Variants in UEVLD observed in about 807,000 individuals in gnomAD.
The protein encoded by UEVLD is ubiquitin-conjugating enzyme E2 variant 3.
In UEVLD, 47 loss-of-function variants were observed where a neutral mutation model predicts 58.6. The ratio of observed to expected loss-of-function variants is 0.80; its 90% CI spans 0.63 to 1.02. The LOEUF is 1.02. Among genes scored for constraint, UEVLD ranks in the 50% least tolerant of loss-of-function variants. The probability of loss-of-function intolerance (pLI) is 0.00; values close to 1 mark genes in which losing one functional copy is unlikely to be tolerated. For synonymous variants in UEVLD, 197 were observed against 195.3 expected (o/e 1.01, Z -0.07); for missense variants, 510 against 550.6 (o/e 0.93, Z 0.74).
At position 18,531,466 on chromosome 11, in the gene UEVLD, G is replaced by A. The variant is rs1055572893; in HGVS notation, c.*854C>T. The A allele has an allele frequency of 2.6e-5, 4 of 152,110 alleles. No homozygotes were observed. The highest frequency in any genetic ancestry group is 9.7e-5 in the African/African-American group (4 of 41,418). The allele number at this position is 152,110 out of a possible 1,614,324, so 9.4% of individuals were successfully genotyped here. On this transcript the variant is annotated 3_prime_UTR_variant, in exon 12 of 12. Coordinates refer to ENST00000396197, the MANE Select transcript of UEVLD (RefSeq NM_001040697.4). ...ACTGTATCATCAGGAGAGGTTAAAGGATTTGCTCAGAACAAATAAAAAACC... is the reference window on the plus strand; with the variant it reads ...ACTGTATCATCAGGAGAGGTTAAAGAATTTGCTCAGAACAAATAAAAAACC...
At chr11:18,563,093 T>C (rs1852122833) in intron 6 of UEVLD, among the ~76,000 whole-genome samples, 1 of 142,324 alleles carries the variant, frequency 7.0e-6, no homozygotes, top group Admixed American at 7.0e-5. Flanking sequence ...AGATGCCTTC[T>C]TGTGCTTACC....
intron 1 of UEVLD, among the ~76,000 whole-genome samples, chr11:18,585,819 G>A (rs1337681981): frequency 1.3e-5 from 2 of 152,024 alleles, no homozygotes; most frequent in Non-Finnish European, 1.5e-5. Flanking sequence ...TTTTTTAGGA[G>A]AGACGAGGTT....
Position 18,575,419 on chromosome 11 carries a change from G to GA in UEVLD, c.128-8dup, listed in dbSNP as rs35906676. On this transcript the variant is annotated splice_polypyrimidine_tract_variant and splice_region_variant and intron_variant, in intron 2 of 11. Transcript: ENST00000396197. ...TGAGAACTATCTTTAAAAACTAGAAGAAAAAAAAAAAAGCCCCAAAATGTG... is the reference window on the plus strand; with the variant it reads ...TGAGAACTATCTTTAAAAACTAGAAGAAAAAAAAAAAAAGCCCCAAAATGTG... 0.12 allele frequency: 132,310 copies of GA among 1,086,692 alleles called. 677 individuals are homozygous for GA. Among genetic ancestry groups the GA allele is most frequent in the Non-Finnish European group, 0.13 (105,559 of 794,422 alleles). 67.3% of individuals were successfully genotyped at this position (1,086,692 alleles called of 1,614,324 possible).
Position 18,572,053 on chromosome 11 carries a change from G to A in UEVLD, c.194-1676C>T, listed in dbSNP as rs184183784. ...AGATCAAGACCATCCTGGCTAACAC[G>A]GTGAAACCCCATCTCTACTAAAAAT... On this transcript the variant is annotated intron_variant, in intron 3 of 11. Transcript: ENST00000396197. Among the ~76,000 whole-genome samples, 9 of 151,904 alleles carry A rather than the reference G, an allele frequency of 5.9e-5. No homozygotes were observed. In the East Asian group the frequency reaches 7.8e-4, roughly 13 times the overall value.
At chr11:18,543,838 C>T (rs1851169063) in intron 9 of UEVLD, among the ~76,000 whole-genome samples, 1 of 152,092 alleles carries the variant, frequency 6.6e-6, no homozygotes. Context: ...AACTGAATGC[C>T]TTCTGTGGGA....
chr11:18,587,795 T>G (rs1472652218), intron 1 of UEVLD: 1 of 142,522 alleles, frequency 7.0e-6, no homozygotes, highest in African/African-American at 2.5e-5. Flanking sequence ...AGAGCAAGAC[T>G]CTGTCAAAAA....
Position 18,534,330 on chromosome 11 carries a change from C to T in UEVLD, c.1248G>A (p.Lys416=). 1.3e-6 allele frequency: 2 copies of T among 1,513,826 alleles called. No individual in the cohort carries two copies. Among genetic ancestry groups the T allele is most frequent in the Non-Finnish European group, 1.8e-6 (2 of 1,137,294 alleles). The allele number at this position is 1,513,826 out of a possible 1,614,324, so 93.8% of individuals were successfully genotyped here. The change falls in exon 11 of 12, where the codon AAG becomes AAA. Residue 416 remains lysine, a splice_region_variant and synonymous_variant. Transcript: ENST00000396197. ...ATAAGAGAATAAGAATAGCAATTAC[C>T]TTTGCTAAAGCTGATACAGAATGCA... The part of the protein sequence containing the change: ...KKVHSVSALA[K]GYYDINSEVF...
intron 8 of UEVLD, among the ~76,000 whole-genome samples, chr11:18,545,972 T>G (rs1486783658): frequency 6.6e-6 from 1 of 152,138 alleles, no homozygotes; most frequent in East Asian, 1.9e-4. Context: ...ACACAACTAC[T>G]TTTTTCTTAC....
chr11:18,588,553 G>C, intron 1 of UEVLD, 60 bp downstream of exon 1: 1 of 1,587,166 alleles, frequency 6.3e-7, no homozygotes, highest in Non-Finnish European at 8.6e-7. Context: ...CCTGGCCAAA[G>C]GCAGAGGCAC....
At chr11:18,546,261 T>C (rs1590322637) in intron 8 of UEVLD, among the ~76,000 whole-genome samples, 1 of 152,322 alleles carries the variant, frequency 6.6e-6, no homozygotes, top group East Asian at 1.9e-4. Context: ...ATATAAGTCA[T>C]TGCATTTTTC....
Position 18,558,956 on chromosome 11 carries a change from C to A in UEVLD, c.613-626G>T, listed in dbSNP as rs75058286. 2.8e-4 allele frequency among the ~76,000 whole-genome samples: 43 copies of A among 151,470 alleles called. 2 individuals are homozygous for A. The East Asian group carries it at 8.4e-3, about 29-fold the overall frequency. On this transcript the variant is annotated intron_variant, in intron 6 of 11. Coordinates refer to ENST00000396197, the MANE Select transcript of UEVLD (RefSeq NM_001040697.4). The stretch of plus-strand genomic sequence containing the variant: ...ATGGTACAATCTCGGCTCACTGCAA[C>A]CTCTGCCTCCTGGGTTCAAGTGATT...
chr11:18,582,577 C>T (rs1853300229), intron 1 of UEVLD, among the ~76,000 whole-genome samples: 1 of 151,946 alleles, frequency 6.6e-6, no homozygotes, highest in Admixed American at 6.6e-5. Context: ...TCAAGGGATC[C>T]ACCTGTTTCA....
In UEVLD at chr11:18,544,641, C is replaced by T. The variant is rs146073687; in HGVS notation, c.1042G>A (p.Glu348Lys). The T allele has an allele frequency of 2.2e-5, 35 of 1,593,360 alleles. No homozygotes were observed. The highest frequency in any genetic ancestry group is 2.3e-5 in the East Asian group (1 of 42,802). Residue 348 changes from glutamate to lysine, a missense_variant, in exon 9 of 12, where the codon GAG (glutamate) becomes AAG (lysine). By Grantham distance (56) the Glu-to-Lys change is moderately conservative. Coordinates refer to ENST00000396197, the MANE Select transcript of UEVLD (RefSeq NM_001040697.4). The part of the protein sequence containing the change: ...TSGKEVWVIG[E>K]QGEDKVLTWS... ...TTCTTACCTTTGTCTTCTCCTTGCT[C>T]GCCAATAACCCATACTTCTTTGCCT...
At chr11:18,539,656 G>C (rs1850973839) in intron 9 of UEVLD, among the ~76,000 whole-genome samples, 1 of 152,210 alleles carries the variant, frequency 6.6e-6, no homozygotes, top group Non-Finnish European at 1.5e-5. Flanking sequence ...CTTCCTGGGA[G>C]AGGTGGCACT....
At chr11:18,583,724 C>T (rs1336738881) in intron 1 of UEVLD, among the ~76,000 whole-genome samples, 4 of 143,570 alleles carry the variant, frequency 2.8e-5, no homozygotes, top group African/African-American at 7.8e-5. Flanking sequence ...TGCAATGGCG[C>T]AATCCCGGCT....
At chr11:18,546,212 TAACATTTTTGATACTTCAGAATTAACA>T (rs1165786272) in intron 8 of UEVLD, among the ~76,000 whole-genome samples, 1 of 152,210 alleles carries the variant, frequency 6.6e-6, no homozygotes, top group Non-Finnish European at 1.5e-5. Flanking sequence ...TCTGGCATGC[TAACATTTTTGATACTTCAGAATTAACA>T]AAATATCATG....
intron 2 of UEVLD, among the ~76,000 whole-genome samples, chr11:18,576,935 C>T (rs1852946177): frequency 6.6e-6 from 1 of 152,202 alleles, no homozygotes; most frequent in Non-Finnish European, 1.5e-5. Flanking sequence ...GTAATCCCAG[C>T]ACTTTGGGAG....
intron 3 of UEVLD, among the ~76,000 whole-genome samples, chr11:18,574,886 T>G (rs1852819755): frequency 6.6e-6 from 1 of 152,074 alleles, no homozygotes; most frequent in Non-Finnish European, 1.5e-5. Context: ...AAAATATAGG[T>G]GTAATGAAGA....
chr11:18,558,761 C>T (rs138010910), intron 6 of UEVLD, among the ~76,000 whole-genome samples: 2,604 of 146,824 alleles, frequency 0.018, 68 homozygotes, highest in African/African-American at 0.061. Flanking sequence ...CCAGCCTGGG[C>T]GATAGAGCGA....
Sources: gnomAD v4.1 joint callset for allele counts (sites outside exome capture counted in the v4.1 genomes callset) on GRCh38, gnomAD v4.1.1 for gene constraint, MANE v1.5 for transcripts, NCBI Gene and HGNC (gene_info 2026-07-23, HGNC 2026-07-21) for gene names.